ZNF140: variants seen among roughly 807,000 people sequenced by gnomAD.
ZNF140 encodes zinc finger protein 140, also known as zinc finger protein 140 (clone pHZ-39).
Under a neutral mutation model 12.9 loss-of-function variants are expected in ZNF140, and 13 were observed. That is an observed-to-expected ratio of 1.01 (90% confidence interval 0.66 to 1.60). The LOEUF (loss-of-function observed/expected upper bound fraction) is 1.60. Ranked by LOEUF, ZNF140 falls within the 40% of genes most tolerant of loss-of-function variation. The pLI is 0.00. For missense variants in ZNF140, 531 were observed against 548.8 expected (o/e 0.97, Z 0.32); for synonymous variants, 214 against 186.7 (o/e 1.15, Z -1.19).
At chr12:133,097,786 T>C (rs1465882732) in intron 4 of ZNF140, among the ~76,000 whole-genome samples, 1 of 145,670 alleles carries the variant, frequency 6.9e-6, no homozygotes, top group Non-Finnish European at 1.5e-5. Context: ...CCCAATGTGC[T>C]GGGATTATAT....
chr12:133,083,478 C>G lies in ZNF140; in HGVS notation c.149C>G (p.Ser50Cys). The change falls in exon 4 of 5, where the codon TCT becomes TGT. Residue 50 changes from serine to cysteine, a missense_variant. Transcript: ENST00000355557. ...TTTCTGCAAGCAGGTCTTTCCATTT[C>G]TAAGCCAGATGTGGTTTCCTTATTG... ...GHLVSLGLSI[S>C]KPDVVSLLEQ... 6.2e-7 allele frequency: 1 copy of G among 1,612,698 alleles called. No homozygotes were observed. The highest frequency in any genetic ancestry group is 8.5e-7 in the Non-Finnish European group (1 of 1,179,586).
chr12:133,104,915 C>A (rs1311982354), intron 4 of ZNF140, among the ~76,000 whole-genome samples: 1 of 151,988 alleles, frequency 6.6e-6, no homozygotes, highest in Non-Finnish European at 1.5e-5. Flanking sequence ...AGCATAATGC[C>A]CAATAGTCAG....
chr12:133,106,312 T>TA lies in ZNF140; in HGVS notation c.1038dup (p.His347ThrfsTer12). The TA allele has an allele frequency of 6.2e-7, 1 of 1,614,184 alleles. No individual in the cohort carries two copies. Among genetic ancestry groups the TA allele is most frequent in the African/African-American group, 1.3e-5 (1 of 75,040 alleles). ...CTTTCCGTTGTCACTCATTCCTTAT[T>TA]AAACATCAGAGAATTCATGCTGGAG... On this transcript the variant is annotated frameshift_variant, in exon 5 of 5. Transcript: ENST00000355557. LOFTEE classifies it low-confidence loss of function (END_TRUNC).
At chr12:133,090,956 G>A (rs1233584636) in intron 4 of ZNF140, among the ~76,000 whole-genome samples, 3 of 146,658 alleles carry the variant, frequency 2.0e-5, no homozygotes, top group South Asian at 2.2e-4. Flanking sequence ...CCACCATAGG[G>A]CGGTTTTGCT....
intron 4 of ZNF140, among the ~76,000 whole-genome samples, chr12:133,095,583 C>T (rs1031238830): frequency 1.5e-4 from 22 of 151,640 alleles, no homozygotes; most frequent in Non-Finnish European, 2.5e-4. Flanking sequence ...AACAGTGGGC[C>T]CAGGGGACCG....
rs776051188 is a variant in ZNF140 at position 133,106,212 on chromosome 12, G to A, written c.935G>A (p.Arg312His). The change falls in exon 5 of 5, where the codon CGT becomes CAT. Residue 312 changes from arginine (R) to histidine (H), a missense_variant. By Grantham distance (29) the Arg-to-His change is conservative. Coordinates refer to ENST00000355557, the MANE Select transcript of ZNF140 (RefSeq NM_003440.4). Reference protein sequence around the residue: ...ECIECGKAFRRFSHLTRHQSI... With the variant: ...ECIECGKAFRHFSHLTRHQSI... ...ATTGAATGTGGGAAGGCATTTCGCC[G>A]TTTCTCACACCTTACTCGACATCAG... The A allele has an allele frequency of 1.7e-5, 28 of 1,614,048 alleles. 1 individual carries two copies. The highest frequency in any genetic ancestry group is 8.8e-5 in the South Asian group (8 of 91,090).
chr12:133,090,922 A>G (rs1469103765), intron 4 of ZNF140, among the ~76,000 whole-genome samples: 1 of 144,604 alleles, frequency 6.9e-6, no homozygotes, highest in Non-Finnish European at 1.5e-5. Flanking sequence ...ACAAGGCAGC[A>G]TTACTGCAAA....
At chr12:133,103,823 A>C (rs1269910429) in intron 4 of ZNF140, among the ~76,000 whole-genome samples, 1 of 152,186 alleles carries the variant, frequency 6.6e-6, no homozygotes, top group Non-Finnish European at 1.5e-5. Context: ...TACTCAGTTC[A>C]CATCTACAGA....
At chr12:133,081,226 C>T (rs943027913) in intron 1 of ZNF140, 47 bp from the exon 2 acceptor site, 1 of 965,012 alleles carries the variant, frequency 1.0e-6, no homozygotes, top group Non-Finnish European at 1.6e-6. Flanking sequence ...GACTTGGGCG[C>T]GGCCTAGCTG....
intron 4 of ZNF140, among the ~76,000 whole-genome samples, chr12:133,097,227 A>G (rs1343730806): frequency 2.6e-5 from 4 of 152,176 alleles, no homozygotes; most frequent in Non-Finnish European, 4.4e-5. Context: ...CTAAATCTAT[A>G]TGCATCTTCA....
chr12:133,099,878 T>G (rs1288690210), intron 4 of ZNF140, among the ~76,000 whole-genome samples: 2 of 151,984 alleles, frequency 1.3e-5, no homozygotes, highest in Non-Finnish European at 1.5e-5. Context: ...AGAGAGTAAT[T>G]TCTCCTTCAC....
chr12:133,087,372 T>C (rs949747949), intron 4 of ZNF140, among the ~76,000 whole-genome samples: 1 of 152,126 alleles, frequency 6.6e-6, no homozygotes, highest in African/African-American at 2.4e-5. Context: ...TTTGGGTCTC[T>C]GTGGGATACG....
At chr12:133,096,634 A>T (rs926741228) in intron 4 of ZNF140, among the ~76,000 whole-genome samples, 2 of 152,146 alleles carry the variant, frequency 1.3e-5, no homozygotes, top group Non-Finnish European at 2.9e-5. Context: ...TGTTTGTGTT[A>T]CTTAGAAGTG....
chr12:133,102,154 C>A (rs1955372148), intron 4 of ZNF140, among the ~76,000 whole-genome samples: 1 of 151,988 alleles, frequency 6.6e-6, no homozygotes, highest in Non-Finnish European at 1.5e-5. Flanking sequence ...TTTTTTTCCA[C>A]CTTATGTGGG....
At chr12:133,090,963 TG>T (rs1372126860) in intron 4 of ZNF140, among the ~76,000 whole-genome samples, 4 of 147,288 alleles carry the variant, frequency 2.7e-5, no homozygotes, top group Non-Finnish European at 6.0e-5. Flanking sequence ...AGGGCGGTTT[TG>T]CTACTATCTC....
intron 4 of ZNF140, among the ~76,000 whole-genome samples, chr12:133,097,857 G>GTGTGTGTGTGT (rs1566316234): frequency 6.7e-6 from 1 of 148,408 alleles, no homozygotes. Flanking sequence ...GTGTTTTTGA[G>GTGTGTGTGTGT]ATGAAGTCTT....
At chr12:133,104,276 A>G (rs989542563) in intron 4 of ZNF140, among the ~76,000 whole-genome samples, 14 of 152,150 alleles carry the variant, frequency 9.2e-5, no homozygotes, top group Non-Finnish European at 1.9e-4. Flanking sequence ...ACATTTGAGA[A>G]TAAGTTCTAT....
chr12:133,083,628 A>C, intron 4 of ZNF140, 67 bp downstream of exon 4: 1 of 1,433,718 alleles, frequency 7.0e-7, no homozygotes, highest in Non-Finnish European at 9.7e-7. Context: ...AAAAAGGAAT[A>C]CTTTTTAATA....
intron 4 of ZNF140, among the ~76,000 whole-genome samples, chr12:133,086,576 A>G (rs1954683107): frequency 6.6e-6 from 1 of 152,232 alleles, no homozygotes; most frequent in Non-Finnish European, 1.5e-5. Context: ...ATGTACTTCA[A>G]AATCTTTCAC....
Sources: gnomAD v4.1 joint callset for allele counts (sites outside exome capture counted in the v4.1 genomes callset) on GRCh38, gnomAD v4.1.1 for gene constraint, MANE v1.5 for transcripts, NCBI Gene and HGNC (gene_info 2026-07-23, HGNC 2026-07-21) for gene names.